CTDSPL: variants seen among roughly 807,000 people sequenced by gnomAD.
CTDSPL encodes the protein CTD small phosphatase-like protein.
Under a neutral mutation model 30.5 loss-of-function variants are expected in CTDSPL, and 8 were observed. That is an observed-to-expected ratio of 0.26 (90% CI 0.15 to 0.47). The LOEUF is 0.47. CTDSPL is among the 20% of genes least tolerant of loss of function. CTDSPL has a pLI of 0.99. For missense variants in CTDSPL, 248 were observed against 366.1 expected, an observed-to-expected ratio of 0.68 and a Z score of 2.63; for synonymous variants, 110 against 137.9, an observed-to-expected ratio of 0.80 and a Z score of 1.42.
intron 1 of CTDSPL, among the ~76,000 whole-genome samples, chr3:37,931,952 A>G (rs961617338): frequency 1.3e-5 from 2 of 152,144 alleles, no homozygotes; most frequent in African/African-American, 4.8e-5. Context: ...TTCATTTGTA[A>G]GTGTAAAGTG....
At chr3:37,912,284 A>G (rs946867073) in intron 1 of CTDSPL, among the ~76,000 whole-genome samples, 9 of 152,120 alleles carry the variant, frequency 5.9e-5, no homozygotes, top group African/African-American at 1.9e-4. Flanking sequence ...GGCCACTCCT[A>G]CCTTCCAGGC....
chr3:37,897,933 G>C (rs1698407012), intron 1 of CTDSPL, among the ~76,000 whole-genome samples: 1 of 152,136 alleles, frequency 6.6e-6, no homozygotes, highest in Non-Finnish European at 1.5e-5. Context: ...TGGAGTGCCG[G>C]TTATACACTA....
intron 1 of CTDSPL, among the ~76,000 whole-genome samples, chr3:37,915,965 A>G (rs552472435): frequency 6.6e-6 from 1 of 152,260 alleles, no homozygotes; most frequent in East Asian, 1.9e-4. Context: ...ATCTGGTATG[A>G]CTGTGATTTC....
At chr3:37,872,381 C>A (rs1453154668) in intron 1 of CTDSPL, among the ~76,000 whole-genome samples, 1 of 151,750 alleles carries the variant, frequency 6.6e-6, no homozygotes, top group Non-Finnish European at 1.5e-5. Context: ...AAGCAAATTA[C>A]AATTGAAACC....
intron 1 of CTDSPL, among the ~76,000 whole-genome samples, chr3:37,900,782 CATA>C (rs1698439801): frequency 6.6e-6 from 1 of 151,982 alleles, no homozygotes; most frequent in Non-Finnish European, 1.5e-5. Context: ...CCTTAGAGAA[CATA>C]ATACTTATTT....
intron 1 of CTDSPL, among the ~76,000 whole-genome samples, chr3:37,894,598 A>T (rs1421346568): frequency 1.3e-5 from 2 of 152,108 alleles, no homozygotes; most frequent in African/African-American, 2.4e-5. Context: ...TGAACTTCTT[A>T]AATCTGTAAA....
At chr3:37,886,859 A>C (rs1698268908) in intron 1 of CTDSPL, among the ~76,000 whole-genome samples, 1 of 152,204 alleles carries the variant, frequency 6.6e-6, no homozygotes. Flanking sequence ...CTGATGTGGT[A>C]GGTTTAGGGT....
chr3:37,937,063 T>C (rs1473219560), intron 1 of CTDSPL, among the ~76,000 whole-genome samples: 1 of 150,232 alleles, frequency 6.7e-6, no homozygotes, highest in Admixed American at 6.7e-5. Context: ...TATTGAAAAC[T>C]GTTGCAGTAG....
chr3:37,917,291 A>G (rs945053250), intron 1 of CTDSPL, among the ~76,000 whole-genome samples: 1 of 152,206 alleles, frequency 6.6e-6, no homozygotes, highest in African/African-American at 2.4e-5. Flanking sequence ...ATACATGTTC[A>G]CACGTACATG....
chr3:37,889,517 A>G (rs1698300921), intron 1 of CTDSPL, among the ~76,000 whole-genome samples: 1 of 152,230 alleles, frequency 6.6e-6, no homozygotes, highest in African/African-American at 2.4e-5. Context: ...TAAATGGCAC[A>G]TCCAGGAGGT....
intron 4 of CTDSPL, 151 bp from the exon 5 acceptor site, chr3:37,967,675 T>G (rs1040219595): frequency 1.8e-6 from 1 of 568,084 alleles, no homozygotes; most frequent in Non-Finnish European, 3.1e-6. Flanking sequence ...TGTGCTTATT[T>G]TAAGGAACCA....
At chr3:37,948,297 A>G (rs1699066067) in intron 2 of CTDSPL, among the ~76,000 whole-genome samples, 1 of 152,106 alleles carries the variant, frequency 6.6e-6, no homozygotes, top group Non-Finnish European at 1.5e-5. Flanking sequence ...AAAAAAAAAT[A>G]TATGTATATA....
intron 1 of CTDSPL, among the ~76,000 whole-genome samples, chr3:37,881,429 T>C (rs113551637): frequency 1.1e-4 from 16 of 152,288 alleles, no homozygotes; most frequent in African/African-American, 3.9e-4. Flanking sequence ...CTCGGGAGGC[T>C]GAGGCAGGAG....
chr3:37,873,376 C>T (rs1042163102), intron 1 of CTDSPL, among the ~76,000 whole-genome samples: 3 of 152,130 alleles, frequency 2.0e-5, no homozygotes, highest in Non-Finnish European at 4.4e-5. Flanking sequence ...TGGGTCTCTT[C>T]GTCTGCAACT....
chr3:37,941,887 A>T lies in CTDSPL; in HGVS notation c.80-5170A>T, dbSNP rs552445844. ...TCCTCAATGCTCCTTTCTGATGTAC[A>T]GCTTGAGATAAGAAGTCCCTGGAAC... On this transcript the variant is annotated intron_variant, in intron 1 of 7. Transcript: ENST00000273179. Among the ~76,000 whole-genome samples, 74 of 150,334 alleles carry T rather than the reference A, an allele frequency of 4.9e-4. 3 individuals carry two copies. The highest frequency in any genetic ancestry group is 1.8e-3 in the African/African-American group (73 of 41,374).
At chr3:37,891,608 T>A (rs1220247656) in intron 1 of CTDSPL, among the ~76,000 whole-genome samples, 1 of 152,252 alleles carries the variant, frequency 6.6e-6, no homozygotes, top group Non-Finnish European at 1.5e-5. Flanking sequence ...AAATTAGTTT[T>A]CATTTAACCT....
At chr3:37,913,948 C>G (rs1016429694) in intron 1 of CTDSPL, among the ~76,000 whole-genome samples, 2 of 152,180 alleles carry the variant, frequency 1.3e-5, no homozygotes, top group Non-Finnish European at 2.9e-5. Context: ...TTATCTGTTT[C>G]CAGTTCCTAC....
chr3:37,864,177 G>C (rs748539052), intron 1 of CTDSPL, among the ~76,000 whole-genome samples: 54 of 152,158 alleles, frequency 3.5e-4, no homozygotes, highest in Non-Finnish European at 4.3e-4. Flanking sequence ...AGCTCTTTGA[G>C]GAGAGGTGTG....
At chr3:37,961,732 G>C (rs1217746367) in intron 3 of CTDSPL, among the ~76,000 whole-genome samples, 2 of 152,202 alleles carry the variant, frequency 1.3e-5, no homozygotes, top group Non-Finnish European at 2.9e-5. Context: ...TCCACCTGGA[G>C]CTCTGAGGGC....
Sources: gnomAD v4.1 joint callset for allele counts (sites outside exome capture counted in the v4.1 genomes callset) on GRCh38, gnomAD v4.1.1 for gene constraint, MANE v1.5 for transcripts, NCBI Gene and HGNC (gene_info 2026-07-23, HGNC 2026-07-21) for gene names.